CCBE1: variants seen among roughly 807,000 people sequenced by gnomAD.
CCBE1 encodes collagen and calcium-binding EGF domain-containing protein 1.
In CCBE1, 37 loss-of-function variants were observed where a neutral mutation model predicts 50.0. That is an observed-to-expected ratio of 0.74 (90% CI 0.57 to 0.97). The LOEUF (loss-of-function observed/expected upper bound fraction) is 0.97, where lower values mean the gene tolerates loss of function less well. Among genes scored for constraint, CCBE1 ranks in the 50% least tolerant of loss-of-function variants. The probability of loss-of-function intolerance (pLI) is 0.00; values close to 1 mark genes in which losing one functional copy is unlikely to be tolerated. For synonymous variants in CCBE1, 234 were observed against 203.7 expected, an observed-to-expected ratio of 1.15 and a Z score of -1.27; for missense variants, 538 against 523.8, an observed-to-expected ratio of 1.03 and a Z score of -0.26.
intron 5 of CCBE1, chr18:59,462,457 C>T (rs1911531899): frequency 6.6e-6 from 1 of 151,952 alleles, no homozygotes; most frequent in African/African-American, 2.4e-5. Context: ...GCAATTATAA[C>T]TCACTGCAGC....
intron 2 of CCBE1, among the ~76,000 whole-genome samples, chr18:59,498,363 G>A (rs958325165): frequency 2.0e-5 from 3 of 152,222 alleles, no homozygotes; most frequent in African/African-American, 4.8e-5. Flanking sequence ...GTTTCCGTGA[G>A]TGTGTTTTAT....
Position 59,510,667 on chromosome 18 carries a change from C to T in CCBE1, c.213-30429G>A, listed in dbSNP as rs186490282. 4.3e-3 allele frequency among the ~76,000 whole-genome samples: 649 copies of T among 152,336 alleles called. 25 individuals carry two copies. Among genetic ancestry groups the T allele is most frequent in the Admixed American group, 0.039 (601 of 15,302 alleles). On this transcript the variant is annotated intron_variant, in intron 2 of 10. Transcript: ENST00000439986. ...GAACTCCTGACCTCAGGTGATCCAC[C>T]TGCCTCGGCCTCCCAAAGTGCTGGG... is the stretch of plus-strand genomic sequence containing the variant.
At position 59,431,493 on chromosome 18, in the gene CCBE1, T is replaced by G. The variant is rs1434276877; in HGVS notation, c.*4415A>C. The G allele has an allele frequency of 6.6e-6, 1 of 152,138 alleles. No individual in the cohort carries two copies. Among genetic ancestry groups the G allele is most frequent in the Admixed American group, 6.5e-5 (1 of 15,268 alleles). 9.4% of individuals were successfully genotyped at this position (152,138 alleles called of 1,614,324 possible). On this transcript the variant is annotated 3_prime_UTR_variant, in exon 11 of 11. Coordinates refer to ENST00000439986, the MANE Select transcript of CCBE1 (RefSeq NM_133459.4). ...CTGTGGTTGTTTCTGGGGCACAGGC[T>G]GAGAAGTGGGGAGAGAGAGTGGGGA...
chr18:59,457,408 C>A (rs1217204681), intron 5 of CCBE1, among the ~76,000 whole-genome samples: 1 of 152,196 alleles, frequency 6.6e-6, no homozygotes, highest in Admixed American at 6.5e-5. Flanking sequence ...GGCTCAGCGA[C>A]CTTGGGCAGG....
intron 2 of CCBE1, among the ~76,000 whole-genome samples, chr18:59,665,123 T>A (rs1265593605): frequency 6.6e-6 from 1 of 152,126 alleles, no homozygotes; most frequent in Non-Finnish European, 1.5e-5. Context: ...GCTGGCATTC[T>A]TCTTAGTGCA....
At chr18:59,573,801 C>A (rs1439581844) in intron 2 of CCBE1, among the ~76,000 whole-genome samples, 1 of 152,182 alleles carries the variant, frequency 6.6e-6, no homozygotes, top group African/African-American at 2.4e-5. Context: ...CAGAACTTAA[C>A]CTATGCTTCC....
At chr18:59,536,990 CAAAAAAA>C (rs34336757) in intron 2 of CCBE1, among the ~76,000 whole-genome samples, 1 of 91,848 alleles carries the variant, frequency 1.1e-5, no homozygotes, top group African/African-American at 3.7e-5. Flanking sequence ...GACTCTGTCT[CAAAAAAA>C]AAAAAAAAAA....
intron 2 of CCBE1, among the ~76,000 whole-genome samples, chr18:59,572,409 TATC>T (rs2052927440): frequency 6.6e-6 from 1 of 152,206 alleles, no homozygotes. Context: ...GATTCTAGAA[TATC>T]ATATGGGTTT....
At chr18:59,596,431 A>G (rs1484275490) in intron 2 of CCBE1, among the ~76,000 whole-genome samples, 1 of 152,218 alleles carries the variant, frequency 6.6e-6, no homozygotes, top group Non-Finnish European at 1.5e-5. Context: ...TATTTTTTTC[A>G]ATACCTAGAT....
intron 2 of CCBE1, among the ~76,000 whole-genome samples, chr18:59,603,492 T>C (rs924102803): frequency 6.6e-6 from 1 of 152,206 alleles, no homozygotes; most frequent in African/African-American, 2.4e-5. Context: ...GTCTCTGGCC[T>C]CCTCCAGGGA....
intron 2 of CCBE1, among the ~76,000 whole-genome samples, chr18:59,671,201 A>C (rs2054424806): frequency 6.6e-6 from 1 of 151,996 alleles, no homozygotes; most frequent in African/African-American, 2.4e-5. Context: ...CCCTACAATA[A>C]GAAGTGACCA....
intron 5 of CCBE1, among the ~76,000 whole-genome samples, chr18:59,458,037 A>G (rs1224846587): frequency 1.3e-5 from 2 of 152,212 alleles, no homozygotes; most frequent in African/African-American, 4.8e-5. Flanking sequence ...AATGACATCC[A>G]TCTTTCCCAA....
At chr18:59,543,084 C>G (rs1173818464) in intron 2 of CCBE1, among the ~76,000 whole-genome samples, 1 of 152,180 alleles carries the variant, frequency 6.6e-6, no homozygotes, top group African/African-American at 2.4e-5. Flanking sequence ...TCTCGGGAAG[C>G]CTTGGATTGC....
At position 59,452,359 on chromosome 18, in the gene CCBE1, G is replaced by A. The variant is rs184169456; in HGVS notation, c.654+2492C>T. 1.6e-3 allele frequency among the ~76,000 whole-genome samples: 242 copies of A among 152,286 alleles called. 1 individual carries two copies. Among genetic ancestry groups the A allele is most frequent in the African/African-American group, 5.3e-3 (220 of 41,570 alleles). On this transcript the variant is annotated intron_variant, in intron 6 of 10. Transcript: ENST00000439986. ...TGTAATCCCAGGCCTTTGGGAGGCC[G>A]AGGCGGGTGGATGATGAGGTCAGGA... is the stretch of plus-strand genomic sequence containing the variant.
intron 2 of CCBE1, among the ~76,000 whole-genome samples, chr18:59,592,448 T>C (rs145252973): frequency 6.6e-6 from 1 of 152,260 alleles, no homozygotes; most frequent in East Asian, 1.9e-4. Context: ...AGAGACAGAT[T>C]GAATGAACTA....
intron 2 of CCBE1, among the ~76,000 whole-genome samples, chr18:59,690,293 A>G (rs1267940502): frequency 6.6e-6 from 1 of 152,250 alleles, no homozygotes; most frequent in African/African-American, 2.4e-5. Context: ...CTTCGCAGAA[A>G]AAAAGGACCT....
intron 2 of CCBE1, among the ~76,000 whole-genome samples, chr18:59,621,344 A>G (rs546583323): frequency 6.6e-6 from 1 of 152,270 alleles, no homozygotes; most frequent in South Asian, 2.1e-4. Context: ...TTGGGCTTGA[A>G]CTAATCACAC....
At chr18:59,656,973 T>C (rs898615678) in intron 2 of CCBE1, among the ~76,000 whole-genome samples, 7 of 152,216 alleles carry the variant, frequency 4.6e-5, no homozygotes, top group African/African-American at 1.7e-4. Flanking sequence ...TGCAGTTTAC[T>C]GGCTTCATGA....
intron 2 of CCBE1, among the ~76,000 whole-genome samples, chr18:59,504,151 T>C (rs187112143): frequency 6.6e-6 from 1 of 152,280 alleles, no homozygotes; most frequent in Non-Finnish European, 1.5e-5. Context: ...GACAACTAAA[T>C]ATACATACAT....
Sources: allele counts gnomAD v4.1 joint callset (sites outside exome capture counted in the v4.1 genomes callset), GRCh38; gene constraint gnomAD v4.1.1; transcripts MANE v1.5; gene names NCBI Gene and HGNC (gene_info 2026-07-23, HGNC 2026-07-21).